The following KIAA0232 variants were observed in gnomAD, a reference collection of about 807,000 sequenced individuals.
KIAA0232 encodes KIAA0232.
Under a neutral mutation model 122.0 loss-of-function variants are expected in KIAA0232, and 27 were observed. The ratio of observed to expected loss-of-function variants is 0.22; its 90% CI spans 0.16 to 0.31. The LOEUF is 0.31. Among genes scored for constraint, KIAA0232 ranks in the 10% least tolerant of loss-of-function variants. The pLI is 1.00. For synonymous variants in KIAA0232, 613 were observed against 587.6 expected, an observed-to-expected ratio of 1.04 and a Z score of -0.63; for missense variants, 1,551 against 1,634.2, an observed-to-expected ratio of 0.95 and a Z score of 0.88.
intron 2 of KIAA0232, among the ~76,000 whole-genome samples, chr4:6,816,806 T>C (rs1342487949): frequency 9.2e-5 from 14 of 152,236 alleles, no homozygotes; most frequent in Admixed American, 9.2e-4. Context: ...TTCTGTTTCT[T>C]CTTGAGTAGG....
intron 1 of KIAA0232, among the ~76,000 whole-genome samples, chr4:6,798,954 C>G (rs1056920401): frequency 6.6e-6 from 1 of 152,096 alleles, no homozygotes; most frequent in Non-Finnish European, 1.5e-5. Flanking sequence ...CCTAGGGATG[C>G]TACAACAAAG....
chr4:6,802,618 A>G lies in KIAA0232; in HGVS notation c.-353-1905A>G, dbSNP rs115447346. On this transcript the variant is annotated intron_variant, in intron 1 of 9. Coordinates refer to ENST00000307659, the MANE Select transcript of KIAA0232 (RefSeq NM_014743.3). ...TGTACGAACAGAGTTACAGTGCACA[A>G]TTAACCTTTTCTTCTGATGGAAGTT... Among the ~76,000 whole-genome samples, 267 of 151,584 alleles carry G rather than the reference A, an allele frequency of 1.8e-3. 2 individuals are homozygous for G. The highest frequency in any genetic ancestry group is 6.2e-3 in the African/African-American group (254 of 41,214).
intron 2 of KIAA0232, among the ~76,000 whole-genome samples, chr4:6,814,587 A>G (rs1174176218): frequency 2.6e-5 from 4 of 152,174 alleles, no homozygotes; most frequent in Non-Finnish European, 4.4e-5. Flanking sequence ...AAATACACAG[A>G]TAGACTTTTC....
chr4:6,845,984 A>C (rs1388721197), intron 4 of KIAA0232, among the ~76,000 whole-genome samples: 1 of 152,140 alleles, frequency 6.6e-6, no homozygotes, highest in African/African-American at 2.4e-5. Context: ...TTGATTCTTT[A>C]GGTTATTGCT....
intron 4 of KIAA0232, among the ~76,000 whole-genome samples, chr4:6,844,331 C>G (rs1577392457): frequency 1.3e-5 from 2 of 152,210 alleles, no homozygotes; most frequent in Middle Eastern, 3.4e-3. Context: ...ATCTAACATT[C>G]ATTTTTAAAA....
At chr4:6,858,161 CTTAA>C (rs1334338092) in intron 5 of KIAA0232, among the ~76,000 whole-genome samples, 2 of 152,182 alleles carry the variant, frequency 1.3e-5, no homozygotes, top group African/African-American at 4.8e-5. Context: ...ACTTCAGTCT[CTTAA>C]TTAAGTGCCT....
intron 3 of KIAA0232, among the ~76,000 whole-genome samples, chr4:6,827,303 G>T (rs534375862): frequency 1.2e-4 from 18 of 152,166 alleles, no homozygotes; most frequent in Non-Finnish European, 2.5e-4. Flanking sequence ...ATGTACTTAC[G>T]GTTTCCCCAG....
intron 3 of KIAA0232, among the ~76,000 whole-genome samples, chr4:6,834,464 TA>T (rs1197103019): frequency 6.6e-6 from 1 of 152,214 alleles, no homozygotes; most frequent in African/African-American, 2.4e-5. Context: ...TCCTATTAAC[TA>T]CTCCTCTTCT....
rs1720877176 is a variant in KIAA0232, at chr4:6,861,671, C to G, written c.1289C>G (p.Thr430Arg). The G allele has an allele frequency of 1.2e-6, 2 of 1,613,986 alleles. No individual in the cohort carries two copies. Among genetic ancestry groups the G allele is most frequent in the Admixed American group, 1.7e-5 (1 of 60,002 alleles). ...ACCACATACCGAAACAGACAGGATA[C>G]AAGTGATCTGACATCAGAGGCAGTG... The part of the protein sequence containing the change: ...LETTYRNRQD[T>R]SDLTSEAVEE... The change falls in exon 7 of 10, where the codon ACA (threonine) becomes AGA (arginine). Residue 430 changes from threonine to arginine, a missense_variant. Coordinates refer to ENST00000307659, the MANE Select transcript of KIAA0232 (RefSeq NM_014743.3).
In KIAA0232 at chr4:6,863,609, T is replaced by C; in HGVS notation, c.3227T>C (p.Leu1076Pro). Residue 1076 changes from leucine (L) to proline (P), a missense_variant, in exon 7 of 10, where the codon CTC becomes CCC. Physicochemically the swap from Leu to Pro is moderately conservative, Grantham distance 98 (BLOSUM62 -3). Coordinates refer to ENST00000307659, the MANE Select transcript of KIAA0232 (RefSeq NM_014743.3). ...CCCAGTTTTAAACCGAAATCAATCC[T>C]CTGTTCTGATTCAGACAGTGAAGTG... ...FSPSFKPKSI[L>P]CSDSDSEVFH... The C allele has an allele frequency of 6.2e-7, 1 of 1,614,186 alleles. No homozygotes were observed. The highest frequency in any genetic ancestry group is 8.5e-7 in the Non-Finnish European group (1 of 1,180,026).
At chr4:6,829,373 C>G (rs929058366) in intron 3 of KIAA0232, among the ~76,000 whole-genome samples, 16 of 152,124 alleles carry the variant, frequency 1.1e-4, no homozygotes, top group African/African-American at 3.9e-4. Context: ...ATACTTTTAC[C>G]ATCCATTGAT....
At chr4:6,786,997 A>G (rs1481422412) in intron 1 of KIAA0232, among the ~76,000 whole-genome samples, 1 of 152,108 alleles carries the variant, frequency 6.6e-6, no homozygotes, top group Non-Finnish European at 1.5e-5. Flanking sequence ...CCTGGCCAAC[A>G]TGGTGAAACC....
intron 2 of KIAA0232, among the ~76,000 whole-genome samples, chr4:6,821,640 A>G (rs904008005): frequency 1.3e-5 from 2 of 151,228 alleles, no homozygotes; most frequent in East Asian, 1.9e-4. Context: ...ACGTGTATAT[A>G]GATACGTGTA....
intron 1 of KIAA0232, among the ~76,000 whole-genome samples, chr4:6,798,908 G>T (rs1166505780): frequency 6.6e-6 from 1 of 152,190 alleles, no homozygotes; most frequent in Non-Finnish European, 1.5e-5. Context: ...GTTTCATCAG[G>T]TGTAGGGGAG....
Position 6,824,415 on chromosome 4 carries a change from A to G in KIAA0232, c.-39A>G, listed in dbSNP as rs1355742013. On this transcript the variant is annotated 5_prime_UTR_variant, in exon 3 of 10. Transcript: ENST00000307659. ...ATACCAACAGAATATCAACTGCAGAAAATGCTTCACATTTTAAGGATGTCG... is the reference window on the plus strand; with the variant it reads ...ATACCAACAGAATATCAACTGCAGAGAATGCTTCACATTTTAAGGATGTCG... The G allele has an allele frequency of 4.6e-6, 7 of 1,526,060 alleles. No homozygotes were observed. Among genetic ancestry groups the G allele is most frequent in the Non-Finnish European group, 6.4e-6 (7 of 1,099,750 alleles). The allele number at this position is 1,526,060 out of a possible 1,614,324, so 94.5% of individuals were successfully genotyped here.
intron 1 of KIAA0232, among the ~76,000 whole-genome samples, chr4:6,783,482 C>A (rs1041945634): frequency 3.9e-5 from 6 of 152,196 alleles, no homozygotes; most frequent in Admixed American, 1.3e-4. Context: ...AAGGCTTCGG[C>A]CGGTGGGAGG....
chr4:6,829,696 C>T (rs752391570), intron 3 of KIAA0232, among the ~76,000 whole-genome samples: 1 of 152,224 alleles, frequency 6.6e-6, no homozygotes, highest in Non-Finnish European at 1.5e-5. Flanking sequence ...AGATCCTGTA[C>T]ATCTTACAAC....
intron 1 of KIAA0232, among the ~76,000 whole-genome samples, chr4:6,784,590 T>C (rs1415414282): frequency 1.3e-5 from 2 of 152,216 alleles, no homozygotes; most frequent in Non-Finnish European, 2.9e-5. Flanking sequence ...TGCCTTTGCA[T>C]ATCTATAGAA....
At chr4:6,857,025 T>C (rs761097725) in intron 4 of KIAA0232, 139 bp from the exon 5 acceptor site, 4 of 516,672 alleles carry the variant, frequency 7.7e-6, no homozygotes, top group African/African-American at 2.0e-5. Flanking sequence ...TAAACTGTAG[T>C]ATTCACGTAA....
Sources: gnomAD v4.1 joint callset for allele counts (sites outside exome capture counted in the v4.1 genomes callset) on GRCh38, gnomAD v4.1.1 for gene constraint, MANE v1.5 for transcripts, NCBI Gene and HGNC (gene_info 2026-07-23, HGNC 2026-07-21) for gene names.